The following ELAVL4 variants were observed in gnomAD, a reference collection of about 807,000 sequenced individuals.
The protein encoded by ELAVL4 is ELAV-like protein 4.
Under a neutral mutation model 35.6 loss-of-function variants are expected in ELAVL4, and 1 was observed. The ratio of observed to expected loss-of-function variants is 0.03; its 90% CI spans 0.01 to 0.13. The LOEUF (loss-of-function observed/expected upper bound fraction) is 0.13. Among genes scored for constraint, ELAVL4 ranks in the 10% least tolerant of loss-of-function variants. The pLI is 1.00. For missense variants in ELAVL4, 267 were observed against 464.9 expected, an observed-to-expected ratio of 0.57 and a Z score of 3.91; for synonymous variants, 156 against 171.0, an observed-to-expected ratio of 0.91 and a Z score of 0.69.
intron 1 of ELAVL4, among the ~76,000 whole-genome samples, chr1:50,064,726 G>C (rs1032875937): frequency 2.6e-5 from 4 of 152,132 alleles, no homozygotes; most frequent in Admixed American, 1.3e-4. Flanking sequence ...CCATGTGAAG[G>C]CTTGCTGGAT....
chr1:50,088,885 C>G lies in ELAVL4; in HGVS notation c.18+40703C>G, dbSNP rs373904237. Among the ~76,000 whole-genome samples the G allele has an allele frequency of 3.2e-4, 48 of 151,148 alleles. 1 individual carries two copies. In the South Asian group the frequency reaches 8.9e-3, roughly 28 times the overall value. The stretch of plus-strand genomic sequence containing the variant: ...AGAATAATCAGTTAAGCCTTAGTGA[C>G]TGCCAGGGTGTTTCAGATCCATTCA... On this transcript the variant is annotated intron_variant, in intron 1 of 6. Transcript: ENST00000448907.
chr1:50,106,515 A>AC, upstream of ELAVL4: 1 of 704,676 alleles, frequency 1.4e-6, no homozygotes, highest in South Asian at 1.7e-5. Context: ...GAAAAAAAAA[A>AC]TCATGCATGA....
At chr1:50,150,820 T>C (rs762800490) in intron 2 of ELAVL4, among the ~76,000 whole-genome samples, 13 of 152,240 alleles carry the variant, frequency 8.5e-5, no homozygotes, top group Non-Finnish European at 1.5e-4. Context: ...GGTGAGTTTA[T>C]TGGCATAATT....
intron 1 of ELAVL4, among the ~76,000 whole-genome samples, chr1:50,124,489 A>G (rs753742153): frequency 5.9e-5 from 9 of 152,164 alleles, no homozygotes; most frequent in Non-Finnish European, 1.2e-4. Flanking sequence ...ACAAGGTTAC[A>G]TGGCTAGGAA....
rs80274843 is a variant in ELAVL4 at position 50,123,766 on chromosome 1, T to A, written c.9+14568T>A. Among the ~76,000 whole-genome samples, 1,026 of 152,174 alleles carry A rather than the reference T, an allele frequency of 6.7e-3. 11 individuals carry two copies. The highest frequency in any genetic ancestry group is 0.024 in the African/African-American group (986 of 41,540). Reference sequence around the variant, plus strand: ...TGTTCCCTACTGTTGCTCACACAGATCCCTCGGTCTCCAACATCTTTCTGC... The same window carrying A: ...TGTTCCCTACTGTTGCTCACACAGAACCCTCGGTCTCCAACATCTTTCTGC... On this transcript the variant is annotated intron_variant, in intron 1 of 6. Transcript: ENST00000371824.
chr1:50,186,136 G>A (rs1572587275), intron 3 of ELAVL4, among the ~76,000 whole-genome samples: 1 of 152,170 alleles, frequency 6.6e-6, no homozygotes, highest in African/African-American at 2.4e-5. Flanking sequence ...AGAAATACTT[G>A]TCTGGCCTAC....
At chr1:50,192,519 G>GCA (rs5774068) in intron 3 of ELAVL4, among the ~76,000 whole-genome samples, 14,078 of 140,210 alleles carry the variant, frequency 0.1, 643 homozygotes, top group Middle Eastern at 0.17. Context: ...TTGTGTGCAC[G>GCA]CACACACACA....
intron 3 of ELAVL4, among the ~76,000 whole-genome samples, chr1:50,181,802 G>A (rs1681080078): frequency 6.6e-6 from 1 of 152,158 alleles, no homozygotes; most frequent in African/African-American, 2.4e-5. Context: ...TCCTGCCTCA[G>A]CCTCTGGGGT....
At chr1:50,103,939 G>A (rs997635230), upstream of ELAVL4, 190 of 1,613,744 alleles carry the variant, frequency 1.2e-4, 2 homozygotes, top group Non-Finnish European at 1.5e-4. Context: ...GCTGTTGCAC[G>A]TGAATGCTCT....
upstream of ELAVL4, chr1:50,108,836 G>A: frequency 1.1e-6 from 1 of 893,404 alleles, no homozygotes; most frequent in Non-Finnish European, 1.3e-6. Flanking sequence ...ATGTTGCAAC[G>A]CCTCCCTTCG....
In ELAVL4 at chr1:50,201,121, C is replaced by A; in HGVS notation, c.1044C>A (p.Arg348=). 2 of 1,613,124 alleles carry A rather than the reference C, an allele frequency of 1.2e-6. No individual in the cohort carries two copies. Among genetic ancestry groups the A allele is most frequent in the Middle Eastern group, 1.7e-4 (1 of 6,046 alleles). The part of the protein sequence containing the change: ...AMAIASLNGY[R]LGDRVLQVSF... ...CCATCGCCAGCCTCAACGGGTACCG[C>A]CTGGGAGACAGAGTGTTGCAAGTTT... Residue 348 remains arginine, a synonymous_variant, in exon 7 of 7, where the codon CGC becomes CGA. Coordinates refer to ENST00000371824, the MANE Select transcript of ELAVL4 (RefSeq NM_001144774.3). This position sits in a 1 kb window ranked among gnomAD's most constrained non-coding sequence, Gnocchi z 4.3.
intron 1 of ELAVL4, among the ~76,000 whole-genome samples, chr1:50,066,792 C>T (rs959733031): frequency 1.3e-5 from 2 of 152,174 alleles, no homozygotes; most frequent in East Asian, 3.9e-4. Context: ...TTTTACTCAG[C>T]CTTAATCTTA....
At chr1:50,164,014 G>A (rs1256838581) in intron 2 of ELAVL4, among the ~76,000 whole-genome samples, 1 of 152,148 alleles carries the variant, frequency 6.6e-6, no homozygotes, top group Non-Finnish European at 1.5e-5. Context: ...TTCTCCCTCT[G>A]GGCCGTAATG....
intron 1 of ELAVL4, among the ~76,000 whole-genome samples, chr1:50,131,863 A>G (rs1670910905): frequency 6.6e-6 from 1 of 151,738 alleles, no homozygotes; most frequent in Admixed American, 6.6e-5. Flanking sequence ...TAAAAAGATA[A>G]ATTCAGAAGT....
intron 1 of ELAVL4, among the ~76,000 whole-genome samples, chr1:50,132,324 T>G (rs768802081): frequency 5.3e-5 from 8 of 152,158 alleles, no homozygotes; most frequent in Admixed American, 1.3e-4. Context: ...ATGGCTGTTG[T>G]GTGATTGGGC....
rs1033213648 is a variant in ELAVL4 at position 50,203,091 on chromosome 1, C to A, written c.*1913C>A. ...CTTCCCTGGGTAATAGAAACAGTTACTCGCTATGCATAATCTAGTTGATAG... is the reference window on the plus strand; with the variant it reads ...CTTCCCTGGGTAATAGAAACAGTTAATCGCTATGCATAATCTAGTTGATAG... On this transcript the variant is annotated 3_prime_UTR_variant, in exon 7 of 7. Coordinates refer to ENST00000371824, the MANE Select transcript of ELAVL4 (RefSeq NM_001144774.3). The A allele has an allele frequency of 2.6e-5, 4 of 152,208 alleles. No individual in the cohort carries two copies. The highest frequency in any genetic ancestry group is 2.6e-4 in the Admixed American group (4 of 15,278). The allele number at this position is 152,208 out of a possible 1,614,324, so 9.4% of individuals were successfully genotyped here. A position where few individuals can be genotyped will look rare whatever the true frequency, so the allele number is the denominator to read the frequency against.
intron 2 of ELAVL4, among the ~76,000 whole-genome samples, chr1:50,149,501 A>G (rs1336755118): frequency 7.0e-6 from 1 of 143,648 alleles, no homozygotes. Flanking sequence ...AAAGAATTGT[A>G]TTTTTACTTC....
At chr1:50,130,755 G>C (rs1370963176) in intron 1 of ELAVL4, among the ~76,000 whole-genome samples, 1 of 152,022 alleles carries the variant, frequency 6.6e-6, no homozygotes, top group Non-Finnish European at 1.5e-5. Context: ...AATGGTTTCT[G>C]GCCCATCGAA....
intron 2 of ELAVL4, among the ~76,000 whole-genome samples, chr1:50,172,950 C>T (rs570436020): frequency 1.3e-5 from 2 of 152,156 alleles, no homozygotes; most frequent in South Asian, 2.1e-4. Context: ...TTTTCCAGCC[C>T]CCGGAGTCAG....
Sources: gnomAD v4.1 joint callset for allele counts (sites outside exome capture counted in the v4.1 genomes callset) on GRCh38, gnomAD v4.1.1 for gene constraint, Gnocchi (gnomAD v3.1) non-coding constraint, MANE v1.5 for transcripts, NCBI Gene and HGNC (gene_info 2026-07-23, HGNC 2026-07-21) for gene names.